The following WWC2 variants were observed in gnomAD, a reference collection of about 807,000 sequenced individuals.
WWC2 encodes protein WWC2.
Under a neutral mutation model 138.5 loss-of-function variants are expected in WWC2, and 101 were observed. The observed-to-expected ratio is 0.73, with a 90% CI of 0.62 to 0.86. The LOEUF is 0.86. WWC2 is among the 40% of genes least tolerant of loss of function. The pLI is 0.00. For missense variants in WWC2, 1,420 were observed against 1,419.4 expected (o/e 1.00, Z -0.01); for synonymous variants, 558 against 538.4 (o/e 1.04, Z -0.50).
chr4:183,208,561 C>T (rs1735508047), intron 3 of WWC2, among the ~76,000 whole-genome samples: 1 of 152,180 alleles, frequency 6.6e-6, no homozygotes, highest in African/African-American at 2.4e-5. Context: ...GCTCCCTCAT[C>T]TCACAGATTG....
intron 4 of WWC2, among the ~76,000 whole-genome samples, chr4:183,238,909 C>T (rs1736516923): frequency 6.6e-6 from 1 of 152,178 alleles, no homozygotes; most frequent in Admixed American, 6.5e-5. Context: ...ACACTCAGGC[C>T]TAGCACCAGA....
At chr4:183,169,776 A>G (rs1734226658) in intron 1 of WWC2, among the ~76,000 whole-genome samples, 2 of 152,224 alleles carry the variant, frequency 1.3e-5, no homozygotes, top group Admixed American at 6.5e-5. Flanking sequence ...AAGAAGCATT[A>G]AAGTGCTACA....
chr4:183,171,883 A>G (rs1049065340), intron 1 of WWC2, among the ~76,000 whole-genome samples: 1 of 152,138 alleles, frequency 6.6e-6, no homozygotes, highest in African/African-American at 2.4e-5. Context: ...TGCCTTCCTC[A>G]TGCACATGTG....
Position 183,280,966 on chromosome 4 carries a change from C to G in WWC2, c.2684+69C>G. The G allele has an allele frequency of 2.0e-6, 3 of 1,485,394 alleles. No homozygotes were observed. In the South Asian group the frequency reaches 4.2e-5, roughly 21 times the overall value. 92.0% of individuals were successfully genotyped at this position (1,485,394 alleles called of 1,614,324 possible). ...GTGTTTACACGGCTTACAGTGAAACCTTTGTAGGCTCATGCTTTATTCCAG... is the reference window on the plus strand; with the variant it reads ...GTGTTTACACGGCTTACAGTGAAACGTTTGTAGGCTCATGCTTTATTCCAG... On this transcript the variant is annotated intron_variant, in intron 17 of 22. Transcript: ENST00000403733.
chr4:183,196,849 C>T (rs1735157796), intron 2 of WWC2, among the ~76,000 whole-genome samples: 1 of 152,204 alleles, frequency 6.6e-6, no homozygotes, highest in Non-Finnish European at 1.5e-5. Flanking sequence ...CCCTCCACCT[C>T]ACAGGTCCCC....
chr4:183,201,830 T>G (rs894645374), intron 2 of WWC2, among the ~76,000 whole-genome samples: 3 of 152,168 alleles, frequency 2.0e-5, no homozygotes, highest in Non-Finnish European at 4.4e-5. Flanking sequence ...GTTCTTACGT[T>G]CATATAGTGG....
intron 5 of WWC2, among the ~76,000 whole-genome samples, chr4:183,242,521 T>A (rs1020458456): frequency 1.3e-5 from 2 of 152,218 alleles, no homozygotes; most frequent in African/African-American, 2.4e-5. Flanking sequence ...AGCAGCAGTG[T>A]AGTATATGTG....
chr4:183,311,959 A>G (rs1579079557), intron 21 of WWC2, among the ~76,000 whole-genome samples: 1 of 152,214 alleles, frequency 6.6e-6, no homozygotes, highest in South Asian at 2.1e-4. Flanking sequence ...GGTCAAAAAG[A>G]TAAATAAGAT....
chr4:183,153,659 T>G (rs1733708630), intron 1 of WWC2, among the ~76,000 whole-genome samples: 1 of 151,280 alleles, frequency 6.6e-6, no homozygotes, highest in Non-Finnish European at 1.5e-5. Context: ...TTTTTTTTTT[T>G]TTTGGTAAGA....
chr4:183,248,471 ATGCTGTTT>A (rs1346599384), intron 6 of WWC2, among the ~76,000 whole-genome samples: 2 of 152,336 alleles, frequency 1.3e-5, no homozygotes, highest in Admixed American at 6.5e-5. Context: ...TCATAGGAAA[ATGCTGTTT>A]TGAGATAGAT....
At chr4:183,279,209 CTTTT>C (rs1737979858) in intron 16 of WWC2, among the ~76,000 whole-genome samples, 1 of 151,948 alleles carries the variant, frequency 6.6e-6, no homozygotes, top group Non-Finnish European at 1.5e-5. Flanking sequence ...TTGTCAAAGG[CTTTT>C]TCTGCATCTA....
chr4:183,301,087 A>AT (rs201643636), intron 21 of WWC2, among the ~76,000 whole-genome samples: 190 of 152,064 alleles, frequency 1.2e-3, no homozygotes, highest in African/African-American at 3.9e-3. Context: ...TTTAAGAGTG[A>AT]TTTTTTTTCT....
chr4:183,117,120 A>G (rs76150098), intron 1 of WWC2, among the ~76,000 whole-genome samples: 217 of 151,842 alleles, frequency 1.4e-3, no homozygotes, highest in African/African-American at 5.1e-3. Context: ...ACTTCTGCAT[A>G]TCCCCTCCCT....
At chr4:183,257,120 G>A (rs2111349397) in intron 9 of WWC2, among the ~76,000 whole-genome samples, 1 of 152,286 alleles carries the variant, frequency 6.6e-6, no homozygotes, top group Admixed American at 6.5e-5. Flanking sequence ...CTTAAACTCT[G>A]TGCTTTCCTA....
At chr4:183,108,164 T>A (rs575251688) in intron 1 of WWC2, among the ~76,000 whole-genome samples, 1 of 152,282 alleles carries the variant, frequency 6.6e-6, no homozygotes, top group South Asian at 2.1e-4. Context: ...GCTCGTTATA[T>A]ATGTGAAGAA....
intron 8 of WWC2, among the ~76,000 whole-genome samples, chr4:183,252,458 T>G (rs571532887): frequency 6.6e-6 from 1 of 152,346 alleles, no homozygotes; most frequent in East Asian, 1.9e-4. Context: ...ACATTCGTAC[T>G]GAGTCGGGGG....
intron 4 of WWC2, among the ~76,000 whole-genome samples, chr4:183,226,289 G>T (rs1736072449): frequency 6.6e-6 from 1 of 151,736 alleles, no homozygotes; most frequent in South Asian, 2.1e-4. Context: ...GTAGAGACAG[G>T]ATTTTGCCAT....
intron 21 of WWC2, among the ~76,000 whole-genome samples, chr4:183,310,275 TAGTG>T (rs1739166852): frequency 1.3e-5 from 2 of 152,136 alleles, no homozygotes; most frequent in South Asian, 4.1e-4. Context: ...AGGATGCTGA[TAGTG>T]GGAGAGTTTA....
In WWC2 at chr4:183,145,720, G is replaced by A. The variant is rs80074276; in HGVS notation, c.131+46098G>A. 5.2e-3 allele frequency among the ~76,000 whole-genome samples: 789 copies of A among 152,342 alleles called. 5 individuals are homozygous for A. Among genetic ancestry groups the A allele is most frequent in the African/African-American group, 0.018 (762 of 41,572 alleles). ...ATAAGCACTCTTGCATAGCAGTAGT[G>A]AGACTGTAAATTGAATATTTCCAGA... On this transcript the variant is annotated intron_variant, in intron 1 of 22. Coordinates refer to ENST00000403733, the MANE Select transcript of WWC2 (RefSeq NM_024949.6).
Sources: allele counts gnomAD v4.1 joint callset (sites outside exome capture counted in the v4.1 genomes callset), GRCh38; gene constraint gnomAD v4.1.1; transcripts MANE v1.5; gene names NCBI Gene and HGNC (gene_info 2026-07-23, HGNC 2026-07-21).